The following HSD17B6 variants were observed in gnomAD, a reference collection of about 807,000 sequenced individuals.
The protein encoded by HSD17B6 is 17-beta-hydroxysteroid dehydrogenase type 6.
In HSD17B6, 16 loss-of-function variants were observed where a neutral mutation model predicts 26.4. The ratio of observed to expected loss-of-function variants is 0.61; its 90% CI spans 0.41 to 0.92. The LOEUF is 0.92. HSD17B6 is among the 40% of genes least tolerant of loss of function. The pLI is 0.00. For missense variants in HSD17B6, 357 were observed against 386.1 expected, an observed-to-expected ratio of 0.92 and a Z score of 0.63; for synonymous variants, 139 against 153.0, an observed-to-expected ratio of 0.91 and a Z score of 0.68.
intron 1 of HSD17B6, among the ~76,000 whole-genome samples, chr12:56,764,068 C>CAAAAAAAAAAAAAAAAAAAAGAAAAAAA (rs1954266503): frequency 1.3e-5 from 1 of 74,342 alleles, no homozygotes; most frequent in Non-Finnish European, 2.3e-5. Flanking sequence ...GACCGTGTCT[C>CAAAAAAAAAAAAAAAAAAAAGAAAAAAA]AAAAAAAAAA....
intron 2 of HSD17B6, among the ~76,000 whole-genome samples, chr12:56,780,765 G>A (rs897171163): frequency 5.3e-5 from 8 of 151,352 alleles, no homozygotes; most frequent in African/African-American, 1.9e-4. Context: ...AGGAGAATGG[G>A]GTGAACCCGG....
intron 4 of HSD17B6, among the ~76,000 whole-genome samples, chr12:56,785,583 G>A (rs569937308): frequency 3.3e-5 from 5 of 152,308 alleles, no homozygotes; most frequent in South Asian, 2.1e-4. Context: ...ACATATAGGC[G>A]GCCTGGGGCC....
chr12:56,767,733 T>C (rs936479548), intron 1 of HSD17B6, among the ~76,000 whole-genome samples: 1 of 145,330 alleles, frequency 6.9e-6, no homozygotes. Context: ...ATATATAATA[T>C]ATATGTATTA....
intron 1 of HSD17B6, among the ~76,000 whole-genome samples, chr12:56,769,900 A>G (rs914691053): frequency 6.6e-6 from 1 of 152,166 alleles, no homozygotes; most frequent in Non-Finnish European, 1.5e-5. Flanking sequence ...TAGGCATGCG[A>G]TGGCTGAATA....
intron 2 of HSD17B6, among the ~76,000 whole-genome samples, chr12:56,774,576 T>A (rs751746748): frequency 7.2e-5 from 11 of 152,182 alleles, no homozygotes; most frequent in African/African-American, 2.7e-4. Flanking sequence ...TATTATTACA[T>A]TGTAATATAT....
chr12:56,769,744 A>G (rs1954429125), intron 1 of HSD17B6, among the ~76,000 whole-genome samples: 1 of 152,258 alleles, frequency 6.6e-6, no homozygotes, highest in African/African-American at 2.4e-5. Flanking sequence ...GTAATTGCAC[A>G]GCTTTTGCAG....
At chr12:56,773,300 C>T (rs1954517383) in intron 1 of HSD17B6, among the ~76,000 whole-genome samples, 1 of 152,192 alleles carries the variant, frequency 6.6e-6, no homozygotes, top group African/African-American at 2.4e-5. Flanking sequence ...TTAATGTCTT[C>T]TAGTAGCATA....
intron 1 of HSD17B6, among the ~76,000 whole-genome samples, chr12:56,764,024 G>A (rs781030388): frequency 8.5e-6 from 1 of 117,714 alleles, no homozygotes; most frequent in Non-Finnish European, 1.6e-5. Flanking sequence ...AGCTGTGATT[G>A]CACCACTGCA....
At chr12:56,782,279 C>T in intron 3 of HSD17B6, 47 bp downstream of exon 3, 1 of 1,574,858 alleles carries the variant, frequency 6.3e-7, no homozygotes, top group Non-Finnish European at 8.7e-7. Flanking sequence ...TGAAATATGT[C>T]TTAGGCATTG....
chr12:56,780,686 C>G (rs1266954693), intron 2 of HSD17B6, among the ~76,000 whole-genome samples: 1 of 151,610 alleles, frequency 6.6e-6, no homozygotes, highest in Non-Finnish European at 1.5e-5. Flanking sequence ...GTGAAACCCC[C>G]GTCTCTACTA....
At chr12:56,765,199 G>A (rs1446604142) in intron 1 of HSD17B6, among the ~76,000 whole-genome samples, 1 of 151,964 alleles carries the variant, frequency 6.6e-6, no homozygotes, top group Admixed American at 6.5e-5. Flanking sequence ...CACTTTGGGA[G>A]GCTGAGGCAG....
intron 2 of HSD17B6, 35 bp downstream of exon 2, chr12:56,774,200 T>A: frequency 6.6e-7 from 1 of 1,518,136 alleles, no homozygotes; most frequent in African/African-American, 1.4e-5. Context: ...TTACTTAGCA[T>A]GAAGATGCTA....
At chr12:56,772,560 G>A (rs993045557) in intron 1 of HSD17B6, among the ~76,000 whole-genome samples, 1 of 151,920 alleles carries the variant, frequency 6.6e-6, no homozygotes, top group African/African-American at 2.4e-5. Flanking sequence ...GCCCGGCTTG[G>A]TGGCACGTGC....
intron 4 of HSD17B6, chr12:56,785,966 G>A: frequency 1.0e-6 from 1 of 984,710 alleles, no homozygotes; most frequent in Non-Finnish European, 1.2e-6. Context: ...CTGAAGACCT[G>A]GAGGAGGAGG....
chr12:56,773,375 C>T (rs1260149841), intron 1 of HSD17B6, among the ~76,000 whole-genome samples: 1 of 152,198 alleles, frequency 6.6e-6, no homozygotes, highest in Non-Finnish European at 1.5e-5. Flanking sequence ...TGATTTGGCC[C>T]TTCACTACCT....
At chr12:56,769,185 CT>C (rs1346435969) in intron 1 of HSD17B6, among the ~76,000 whole-genome samples, 5 of 151,586 alleles carry the variant, frequency 3.3e-5, no homozygotes, top group African/African-American at 1.2e-4. Flanking sequence ...TTACTGCAAC[CT>C]CTGCCTCCCA....
chr12:56,769,106 T>G (rs962560002), intron 1 of HSD17B6, among the ~76,000 whole-genome samples: 69 of 148,806 alleles, frequency 4.6e-4, no homozygotes, highest in Non-Finnish European at 8.8e-4. Context: ...TTTCAAGGTT[T>G]TTTTTTTTTT....
rs577783084 is a variant in HSD17B6, at chr12:56,782,160, G to A, written c.500G>A (p.Gly167Glu). The A allele has an allele frequency of 1.9e-6, 3 of 1,614,194 alleles. No homozygotes were observed. In the South Asian group the frequency reaches 3.3e-5, roughly 18 times the overall value. Residue 167 changes from glycine (G) to glutamate (E), a missense_variant, in exon 3 of 5, where the codon GGA (glycine) becomes GAA (glutamate). Coordinates refer to ENST00000322165, the MANE Select transcript of HSD17B6 (RefSeq NM_003725.4). The stretch of plus-strand genomic sequence containing the variant: ...ATTGTCAATGTCTCCAGCATTCTGG[G>A]AAGAGTTGCTTTCTTTGTAGGAGGC... ...GRIVNVSSIL[G>E]RVAFFVGGYC... is the part of the protein sequence containing the mutation.
chr12:56,764,068 C>CAAAAAAAAAAAAAAAAAAA (rs71081400), intron 1 of HSD17B6, among the ~76,000 whole-genome samples: 1 of 74,342 alleles, frequency 1.3e-5, no homozygotes. Flanking sequence ...GACCGTGTCT[C>CAAAAAAAAAAAAAAAAAAA]AAAAAAAAAA....
Sources: gnomAD v4.1 joint callset for allele counts (sites outside exome capture counted in the v4.1 genomes callset) on GRCh38, gnomAD v4.1.1 for gene constraint, MANE v1.5 for transcripts, NCBI Gene and HGNC (gene_info 2026-07-23, HGNC 2026-07-21) for gene names.